Variants in NMRK2 observed in about 807,000 individuals in gnomAD.
The protein encoded by NMRK2 is nicotinamide riboside kinase 2, also known as NRK 2.
Under a neutral mutation model 24.7 loss-of-function variants are expected in NMRK2, and 34 were observed. The ratio of observed to expected loss-of-function variants is 1.37; its 90% CI spans 1.05 to 1.83. The LOEUF (loss-of-function observed/expected upper bound fraction) is 1.83. Among genes scored for constraint, NMRK2 ranks in the 40% most tolerant of loss-of-function variants. The probability of loss-of-function intolerance (pLI) is 0.00; values close to 1 mark genes in which losing one functional copy is unlikely to be tolerated. For missense variants in NMRK2, 341 were observed against 315.0 expected (o/e 1.08, Z -0.62); for synonymous variants, 145 against 125.6 (o/e 1.15, Z -1.03).
chr19:3,941,191 C>T lies in NMRK2; in HGVS notation c.502+14C>T. 1.0e-6 allele frequency: 1 copy of T among 1,002,552 alleles called. No individual in the cohort carries two copies. Among genetic ancestry groups the T allele is most frequent in the Non-Finnish European group, 1.5e-6 (1 of 682,472 alleles). The allele number at this position is 1,002,552 out of a possible 1,614,324, so 62.1% of individuals were successfully genotyped here. A position where few individuals can be genotyped will look rare whatever the true frequency, so the allele number is the denominator to read the frequency against. ...GTGTGGAAGTGGGTAAGCCCCTGAG[C>T]ATGACCAGGCCTTGCCCCGGGCGGG... On this transcript the variant is annotated intron_variant, in intron 7 of 7. Coordinates refer to ENST00000168977, the MANE Select transcript of NMRK2 (RefSeq NM_170678.3).
At chr19:3,937,868 TG>T (rs1267126639) in intron 4 of NMRK2, among the ~76,000 whole-genome samples, 1 of 104,192 alleles carries the variant, frequency 9.6e-6, no homozygotes, top group African/African-American at 3.8e-5. Context: ...CCCCGTCCAC[TG>T]TTCCCCCGGG....
chr19:3,938,602 G>A lies in NMRK2; in HGVS notation c.167-1G>A, dbSNP rs767912680. The A allele has an allele frequency of 1.9e-6, 3 of 1,577,254 alleles. No homozygotes were observed. Among genetic ancestry groups the A allele is most frequent in the African/African-American group, 2.7e-5 (2 of 73,624 alleles). ...TGCAATGCCTGCTCCCCTTTCCCCA[G>A]TGCTGGAGTCTCTGGACATGGAGGC... On this transcript the variant is annotated splice_acceptor_variant, in intron 4 of 7. Transcript: ENST00000168977. LOFTEE classifies it high-confidence loss of function.
chr19:3,937,330 G>A (rs1599160978), intron 4 of NMRK2, 42 bp downstream of exon 4: 3 of 1,576,178 alleles, frequency 1.9e-6, no homozygotes, highest in African/African-American at 2.7e-5. Context: ...ATCCCCCGGG[G>A]TCCGCCCTCC....
Position 3,942,308 on chromosome 19 carries a change from G to C in NMRK2, c.*35G>C, listed in dbSNP as rs1392525339. 1 of 1,549,794 alleles carries C rather than the reference G, an allele frequency of 6.5e-7. No individual in the cohort carries two copies. ...TATGGGGGTGTCTGTACGTAGGAGA[G>C]TGGAGGCCCCACTCCCAGTTGGGCG... On this transcript the variant is annotated 3_prime_UTR_variant, in exon 8 of 8. Coordinates refer to ENST00000168977, the MANE Select transcript of NMRK2 (RefSeq NM_170678.3).
At chr19:3,935,290 CTGTCACCAAGGCTGGAG>C (rs1347948518) in intron 2 of NMRK2, among the ~76,000 whole-genome samples, 1 of 113,812 alleles carries the variant, frequency 8.8e-6, no homozygotes, top group East Asian at 2.8e-4. Context: ...AAATCTCGTT[CTGTCACCAAGGCTGGAG>C]TGGAGTGGCA....
chr19:3,941,210 G>C (rs79219472), intron 7 of NMRK2, 33 bp downstream of exon 7: 1 of 1,212,930 alleles, frequency 8.2e-7, no homozygotes, highest in Non-Finnish European at 1.2e-6. Context: ...GCCTTGCCCC[G>C]GGCGGGCGGG....
At chr19:3,937,161 C>A in intron 3 of NMRK2, 79 bp from the exon 4 acceptor site, 1 of 1,429,502 alleles carries the variant, frequency 7.0e-7, no homozygotes, top group Non-Finnish European at 9.8e-7. Flanking sequence ...AGCAAGGGAC[C>A]CCCTAAGACT....
intron 7 of NMRK2, among the ~76,000 whole-genome samples, chr19:3,941,601 C>T (rs114807216): frequency 0.018 from 2,751 of 152,008 alleles, 30 homozygotes; most frequent in African/African-American, 0.027. Context: ...CTTTGGAAAC[C>T]TGGACATTCC....
Position 3,933,573 on chromosome 19 carries a change from T to G in NMRK2, c.-99T>G. On this transcript the variant is annotated 5_prime_UTR_variant, in exon 2 of 8. Coordinates refer to ENST00000168977, the MANE Select transcript of NMRK2 (RefSeq NM_170678.3). ...TGCCGAGACCTATAAAGGCGCCAGG[T>G]TTTCTCAATGAAGCCGGGACGCACT... 1 of 1,425,328 alleles carries G rather than the reference T, an allele frequency of 7.0e-7. No individual in the cohort carries two copies. Among genetic ancestry groups the G allele is most frequent in the East Asian group, 2.9e-5 (1 of 34,276 alleles). 88.3% of individuals were successfully genotyped at this position (1,425,328 alleles called of 1,614,324 possible). A position where few individuals can be genotyped will look rare whatever the true frequency, so the allele number is the denominator to read the frequency against.
At chr19:3,935,270 T>TC (rs1373509459) in intron 2 of NMRK2, among the ~76,000 whole-genome samples, 21 of 150,496 alleles carry the variant, frequency 1.4e-4, no homozygotes, top group South Asian at 8.4e-4. Context: ...TTTTTTTTTT[T>TC]TTTGAGACAA....
intron 6 of NMRK2, 46 bp from the exon 7 acceptor site, chr19:3,941,025 A>G (rs1334527170): frequency 7.8e-7 from 1 of 1,289,484 alleles, no homozygotes; most frequent in East Asian, 2.4e-5. Flanking sequence ...TATTCTTAGC[A>G]TCACCCTTCT....
Position 3,942,318 on chromosome 19 carries a change from C to G in NMRK2, c.*45C>G, listed in dbSNP as rs2039351002. 6.6e-7 allele frequency: 1 copy of G among 1,524,000 alleles called. No homozygotes were observed. The highest frequency in any genetic ancestry group is 8.9e-7 in the Non-Finnish European group (1 of 1,126,958). The allele number at this position is 1,524,000 out of a possible 1,614,324, so 94.4% of individuals were successfully genotyped here. ...TCTGTACGTAGGAGAGTGGAGGCCC[C>G]ACTCCCAGTTGGGCGTCCCGGAGCT... On this transcript the variant is annotated 3_prime_UTR_variant, in exon 8 of 8. Transcript: ENST00000168977.
chr19:3,937,124 C>A, intron 3 of NMRK2, 116 bp from the exon 4 acceptor site: 1 of 958,192 alleles, frequency 1.0e-6, no homozygotes, highest in Non-Finnish European at 1.6e-6. Context: ...GGCAGAGCCC[C>A]CACGCCTCAG....
chr19:3,935,986 G>A lies in NMRK2; in HGVS notation c.27-589G>A, dbSNP rs545229440. 7.9e-5 allele frequency among the ~76,000 whole-genome samples: 12 copies of A among 152,190 alleles called. No homozygotes were observed. The South Asian group carries it at 8.3e-4, about 11-fold the overall frequency. On this transcript the variant is annotated intron_variant, in intron 2 of 7. Coordinates refer to ENST00000168977, the MANE Select transcript of NMRK2 (RefSeq NM_170678.3). Reference sequence around the variant, plus strand: ...AGCACTTTGGGAGGCCAAGGCAGGCGGATCACCAGAGGTTAGGAGTTCGAG... The same window carrying A: ...AGCACTTTGGGAGGCCAAGGCAGGCAGATCACCAGAGGTTAGGAGTTCGAG...
intron 2 of NMRK2, among the ~76,000 whole-genome samples, chr19:3,934,065 C>A (rs1291759602): frequency 6.6e-6 from 1 of 151,918 alleles, no homozygotes; most frequent in Non-Finnish European, 1.5e-5. Flanking sequence ...CTGGCCAACA[C>A]GGTGAAACCC....
Position 3,935,509 on chromosome 19 carries a change from G to C in NMRK2, c.27-1066G>C, listed in dbSNP as rs7246252. 4.3e-3 allele frequency among the ~76,000 whole-genome samples: 655 copies of C among 152,072 alleles called. 4 individuals carry two copies. The highest frequency in any genetic ancestry group is 0.015 in the African/African-American group (618 of 41,462). ...GACCTCAGGTGATCTGCCTGCCTCT[G>C]CCTCCCAAAGTGCTGAGATTACAGG... is the stretch of plus-strand genomic sequence containing the variant. On this transcript the variant is annotated intron_variant, in intron 2 of 7. Coordinates refer to ENST00000168977, the MANE Select transcript of NMRK2 (RefSeq NM_170678.3).
At chr19:3,938,845 T>TG (rs1568180890) in intron 5 of NMRK2, 86 bp downstream of exon 5, 4,773 of 279,232 alleles carry the variant, frequency 0.017, 65 homozygotes, top group Admixed American at 0.047. Flanking sequence ...TTTTTTTTTG[T>TG]TTTGTTTTTT....
At position 3,941,127 on chromosome 19, in the gene NMRK2, C is replaced by T. The variant is rs199684854; in HGVS notation, c.452C>T (p.Pro151Leu). The T allele has an allele frequency of 1.2e-6, 2 of 1,613,924 alleles. No homozygotes were observed. The highest frequency in any genetic ancestry group is 3.3e-5 in the Admixed American group (2 of 60,004). Residue 151 changes from proline (P) to leucine (L), a missense_variant, in exon 7 of 8, where the codon CCC (proline) becomes CTC (leucine). Pro to Leu is a moderately conservative substitution (Grantham distance 98, BLOSUM62 -3). Coordinates refer to ENST00000168977, the MANE Select transcript of NMRK2 (RefSeq NM_170678.3). ...GGCCTCTTCGATGGCCACGTGTGGCCCATGTACCAGAAGTATAGGCAGGAG... is the reference window on the plus strand; with the variant it reads ...GGCCTCTTCGATGGCCACGTGTGGCTCATGTACCAGAAGTATAGGCAGGAG... ...PPGLFDGHVW[P>L]MYQKYRQEME... is the part of the protein sequence containing the mutation.
chr19:3,935,953 G>A (rs1033300647), intron 2 of NMRK2, among the ~76,000 whole-genome samples: 7 of 152,020 alleles, frequency 4.6e-5, no homozygotes, highest in Non-Finnish European at 8.8e-5. Flanking sequence ...GCTCACACCT[G>A]TAATCCCAGC....
Sources: allele counts gnomAD v4.1 joint callset (sites outside exome capture counted in the v4.1 genomes callset), GRCh38; gene constraint gnomAD v4.1.1; transcripts MANE v1.5; gene names NCBI Gene and HGNC (gene_info 2026-07-23, HGNC 2026-07-21).